PRICKLE1: variants seen among roughly 807,000 people sequenced by gnomAD.
PRICKLE1 encodes the protein prickle planar cell polarity protein 1.
Under a neutral mutation model 70.2 loss-of-function variants are expected in PRICKLE1, and 14 were observed. The ratio of observed to expected loss-of-function variants is 0.20; its 90% CI spans 0.13 to 0.31. The LOEUF is 0.31. Among genes scored for constraint, PRICKLE1 ranks in the 10% least tolerant of loss-of-function variants. PRICKLE1 has a pLI of 1.00. For synonymous variants in PRICKLE1, 357 were observed against 379.9 expected (o/e 0.94, Z 0.70); for missense variants, 821 against 1,026.2 (o/e 0.80, Z 2.73).
At chr12:42,513,567 G>C (rs1310493078) in intron 1 of PRICKLE1, among the ~76,000 whole-genome samples, 1 of 144,798 alleles carries the variant, frequency 6.9e-6, no homozygotes, top group Non-Finnish European at 1.5e-5. Flanking sequence ...TGTTGGGCTG[G>C]AAAAAAAAAA....
chr12:42,582,590 A>G (rs1922757), intron 1 of PRICKLE1, among the ~76,000 whole-genome samples: 149,002 of 152,336 alleles, frequency 0.98, 72,955 homozygotes, highest in Middle Eastern at 1. Context: ...ATTATAACAC[A>G]TATTTCAACA....
chr12:42,470,218 C>G, intron 3 of PRICKLE1, 28 bp downstream of exon 3: 1 of 1,485,608 alleles, frequency 6.7e-7, no homozygotes. Context: ...CTTCTTTTTT[C>G]TAATTAGCCT....
At chr12:42,492,336 C>T (rs987435407) in intron 1 of PRICKLE1, among the ~76,000 whole-genome samples, 2 of 152,080 alleles carry the variant, frequency 1.3e-5, no homozygotes, top group African/African-American at 4.8e-5. Context: ...TTTTGCTCAC[C>T]AGGTATTTTC....
chr12:42,469,388 C>G, intron 4 of PRICKLE1, 62 bp downstream of exon 4: 1 of 1,604,078 alleles, frequency 6.2e-7, no homozygotes, highest in Non-Finnish European at 8.5e-7. Context: ...TCACCTACCC[C>G]CGACTGTCCA....
At position 42,488,757 on chromosome 12, in the gene PRICKLE1, A is replaced by G. The variant is rs972590804; in HGVS notation, c.-48-16193T>C. 2.6e-5 allele frequency among the ~76,000 whole-genome samples: 4 copies of G among 152,218 alleles called. No individual in the cohort carries two copies. In the East Asian group the frequency reaches 7.7e-4, roughly 29 times the overall value. ...GTTATAAGTAATATTTGGTAAGCTG[A>G]CATATACATTGCAAAATTATTTAGA... On this transcript the variant is annotated intron_variant, in intron 1 of 7. Coordinates refer to ENST00000345127, the MANE Select transcript of PRICKLE1 (RefSeq NM_153026.3).
In PRICKLE1 at chr12:42,459,466, T is replaced by G. The variant is rs1937712186; in HGVS notation, c.*343A>C. ...AACACTAGTGCTTTACAAAGGTGGC[T>G]GGAGTTCTCCATCTTCTAAAATCAA... On this transcript the variant is annotated 3_prime_UTR_variant, in exon 8 of 8. Transcript: ENST00000345127. The G allele has an allele frequency of 3.0e-6, 2 of 671,926 alleles. No individual in the cohort carries two copies. The highest frequency in any genetic ancestry group is 5.4e-5 in the East Asian group (2 of 36,948). 41.6% of individuals were successfully genotyped at this position (671,926 alleles called of 1,614,324 possible).
At chr12:42,544,503 C>CT (rs1940172603) in intron 1 of PRICKLE1, among the ~76,000 whole-genome samples, 1 of 152,140 alleles carries the variant, frequency 6.6e-6, no homozygotes, top group Non-Finnish European at 1.5e-5. Context: ...ATCTTCCCAT[C>CT]TCCCATAATG....
At chr12:42,478,046 T>G (rs1938639500) in intron 1 of PRICKLE1, among the ~76,000 whole-genome samples, 1 of 151,986 alleles carries the variant, frequency 6.6e-6, no homozygotes, top group Non-Finnish European at 1.5e-5. Context: ...GATGCATCCC[T>G]TACCCAGACT....
At chr12:42,480,511 TAC>T (rs1938755399) in intron 1 of PRICKLE1, among the ~76,000 whole-genome samples, 1 of 152,228 alleles carries the variant, frequency 6.6e-6, no homozygotes, top group African/African-American at 2.4e-5. Flanking sequence ...TAAGATAGCA[TAC>T]AGTGTGAGAA....
chr12:42,488,779 T>C (rs145172681), intron 1 of PRICKLE1, among the ~76,000 whole-genome samples: 1 of 152,310 alleles, frequency 6.6e-6, no homozygotes, highest in East Asian at 1.9e-4. Flanking sequence ...CAAAATTATT[T>C]AGATACTATA....
Position 42,508,822 on chromosome 12 carries a change from T to C in PRICKLE1, c.-48-36258A>G, listed in dbSNP as rs554819697. 2.0e-5 allele frequency among the ~76,000 whole-genome samples: 3 copies of C among 152,312 alleles called. No individual in the cohort carries two copies. The South Asian group carries it at 6.2e-4, about 32-fold the overall frequency. ...ACAGGGCTTGTCACTGTAGTTCTGC[T>C]TCTACCACTAACTGGCTAGAAGACC... is the stretch of plus-strand genomic sequence containing the variant. On this transcript the variant is annotated intron_variant, in intron 1 of 7. Coordinates refer to ENST00000345127, the MANE Select transcript of PRICKLE1 (RefSeq NM_153026.3).
At position 42,581,208 on chromosome 12, in the gene PRICKLE1, A is replaced by T. The variant is rs1940893048; in HGVS notation, c.-49+8257T>A. Among the ~76,000 whole-genome samples, 3 of 152,242 alleles carry T rather than the reference A, an allele frequency of 2.0e-5. No individual in the cohort carries two copies. The South Asian group carries it at 6.2e-4, about 32-fold the overall frequency. On this transcript the variant is annotated intron_variant, in intron 1 of 7. Transcript: ENST00000345127. Reference sequence around the variant, plus strand: ...TGATTCAATCCTTTGATTAATATACACTGATCTAGTCTAATTCCCTCATTT... The same window carrying T: ...TGATTCAATCCTTTGATTAATATACTCTGATCTAGTCTAATTCCCTCATTT...
chr12:42,562,349 A>G (rs1475304824), intron 1 of PRICKLE1, among the ~76,000 whole-genome samples: 1 of 152,204 alleles, frequency 6.6e-6, no homozygotes. Flanking sequence ...GAGATTGTGA[A>G]AAAGATAATG....
At chr12:42,569,848 G>A (rs184889804) in intron 1 of PRICKLE1, among the ~76,000 whole-genome samples, 155 of 152,246 alleles carry the variant, frequency 1.0e-3, no homozygotes, top group African/African-American at 3.6e-3. Context: ...AATTCTGCTC[G>A]GGATGGTAAA....
intron 1 of PRICKLE1, among the ~76,000 whole-genome samples, chr12:42,507,360 C>G (rs1939438227): frequency 6.6e-6 from 1 of 152,180 alleles, no homozygotes; most frequent in Admixed American, 6.5e-5. Context: ...AAAACAATGA[C>G]TCTTACAGAC....
At chr12:42,478,910 CATT>C (rs1369198705) in intron 1 of PRICKLE1, among the ~76,000 whole-genome samples, 10 of 152,132 alleles carry the variant, frequency 6.6e-5, no homozygotes, top group African/African-American at 2.4e-4. Context: ...TCTCAATCAT[CATT>C]GTCAAGAGAA....
chr12:42,497,535 A>G (rs576410074), intron 1 of PRICKLE1, among the ~76,000 whole-genome samples: 3 of 135,028 alleles, frequency 2.2e-5, no homozygotes, highest in African/African-American at 5.5e-5. Flanking sequence ...GGTGACAGCG[A>G]GACTCCATCT....
At chr12:42,486,432 G>C (rs1254757555) in intron 1 of PRICKLE1, among the ~76,000 whole-genome samples, 1 of 152,144 alleles carries the variant, frequency 6.6e-6, no homozygotes, top group African/African-American at 2.4e-5. Flanking sequence ...TTCTTCTCAG[G>C]CCCTCATAAG....
chr12:42,562,625 G>A (rs2120711414), intron 1 of PRICKLE1, among the ~76,000 whole-genome samples: 1 of 152,224 alleles, frequency 6.6e-6, no homozygotes, highest in Admixed American at 6.5e-5. Flanking sequence ...TCAATAATAA[G>A]TAGACAAGGA....
Sources: gnomAD v4.1 joint callset for allele counts (sites outside exome capture counted in the v4.1 genomes callset) on GRCh38, gnomAD v4.1.1 for gene constraint, MANE v1.5 for transcripts, NCBI Gene and HGNC (gene_info 2026-07-23, HGNC 2026-07-21) for gene names.